Variants in NUP155 observed in about 807,000 individuals in gnomAD.
NUP155 encodes nucleoporin 155, also known as nuclear pore complex protein Nup155.
A neutral mutation model predicts 180.4 loss-of-function variants in NUP155; 71 were observed. The ratio of observed to expected loss-of-function variants is 0.39; its 90% CI spans 0.33 to 0.48. The LOEUF (loss-of-function observed/expected upper bound fraction) is 0.48. NUP155 is among the 20% of genes least tolerant of loss of function. NUP155 has a pLI of 0.91. For missense variants in NUP155, 1,553 were observed against 1,648.9 expected (o/e 0.94, Z 1.01); for synonymous variants, 582 against 559.5 (o/e 1.04, Z -0.57).
At chr5:37,346,029 A>G (rs1432368832) in intron 9 of NUP155, among the ~76,000 whole-genome samples, 2 of 152,112 alleles carry the variant, frequency 1.3e-5, no homozygotes, top group Non-Finnish European at 2.9e-5. Context: ...TGTGTTTTCA[A>G]TTGTGTCTGC....
intron 15 of NUP155, among the ~76,000 whole-genome samples, 181 bp from the exon 16 acceptor site, chr5:37,329,459 T>A (rs1256737680): frequency 6.6e-6 from 1 of 152,208 alleles, no homozygotes; most frequent in Non-Finnish European, 1.5e-5. Flanking sequence ...ATTCAGTAAA[T>A]GTGGACTTGA....
chr5:37,307,748 C>T (rs893075518), intron 24 of NUP155, among the ~76,000 whole-genome samples: 1 of 151,560 alleles, frequency 6.6e-6, no homozygotes, highest in Admixed American at 6.6e-5. Flanking sequence ...ATGGTGAAAC[C>T]CCACCTCTAC....
rs975547922 is a variant in NUP155 at position 37,340,995 on chromosome 5, G to T, written c.1246+95C>A. 6.1e-5 allele frequency: 65 copies of T among 1,061,308 alleles called. No homozygotes were observed. The African/African-American group carries it at 8.9e-4, about 14-fold the overall frequency. The allele number at this position is 1,061,308 out of a possible 1,614,324, so 65.7% of individuals were successfully genotyped here. On this transcript the variant is annotated intron_variant, in intron 11 of 34. Coordinates refer to ENST00000231498, the MANE Select transcript of NUP155 (RefSeq NM_153485.3). ...CTTCTAGTAGTTCCCAGTTTCTACT[G>T]TTGCCATAGGGTATTTTCAAATACT...
intron 13 of NUP155, among the ~76,000 whole-genome samples, chr5:37,332,586 C>T (rs2150968232): frequency 6.6e-6 from 1 of 152,066 alleles, no homozygotes. Flanking sequence ...ATTGTTTTTG[C>T]ACCAATCAAT....
chr5:37,366,467 T>G (rs1747590448), intron 1 of NUP155, among the ~76,000 whole-genome samples: 1 of 152,130 alleles, frequency 6.6e-6, no homozygotes, highest in Admixed American at 6.6e-5. Flanking sequence ...TGAGACGGAG[T>G]CTCGCTCTGA....
At chr5:37,363,431 G>A (rs1009690236) in intron 3 of NUP155, among the ~76,000 whole-genome samples, 1 of 152,144 alleles carries the variant, frequency 6.6e-6, no homozygotes, top group African/African-American at 2.4e-5. Context: ...AAGTACCTTA[G>A]GCTTTCACTC....
At chr5:37,302,456 G>A (rs1322763688) in intron 29 of NUP155, among the ~76,000 whole-genome samples, 1 of 152,112 alleles carries the variant, frequency 6.6e-6, no homozygotes, top group East Asian at 1.9e-4. Context: ...GGCTGGTCTC[G>A]AACTTCTGAC....
At chr5:37,321,680 G>A (rs1039596170) in intron 20 of NUP155, among the ~76,000 whole-genome samples, 2 of 152,098 alleles carry the variant, frequency 1.3e-5, no homozygotes, top group African/African-American at 4.8e-5. Context: ...TTGCACCACT[G>A]CACTCCAGCC....
At chr5:37,349,058 CTTT>C (rs35729800) in intron 8 of NUP155, 111 bp downstream of exon 8, 94 of 280,214 alleles carry the variant, frequency 3.4e-4, no homozygotes, top group Middle Eastern at 2.4e-3. Context: ...GCCCAGCAGG[CTTT>C]TTTTTTTTTT....
At chr5:37,300,133 A>T (rs925662228) in intron 30 of NUP155, among the ~76,000 whole-genome samples, 22 of 151,938 alleles carry the variant, frequency 1.4e-4, no homozygotes, top group African/African-American at 5.3e-4. Flanking sequence ...CATTCTATTT[A>T]TTAATTTTAA....
intron 2 of NUP155, 79 bp downstream of exon 2, chr5:37,364,168 T>A (rs535623914): frequency 7.9e-7 from 1 of 1,272,176 alleles, no homozygotes; most frequent in East Asian, 2.5e-5. Flanking sequence ...AACACATTAA[T>A]TAAACATAGA....
At position 37,350,253 on chromosome 5, in the gene NUP155, A is replaced by G; in HGVS notation, c.736T>C (p.Trp246Arg). ...ATTTTCCTACATCTTTGGCTAAACC[A>G]CCCTGCTTCAGCCTTAAAGAAAAAA... ...YEVAYQAEAG[W>R]FSQRCRKINH... Residue 246 changes from tryptophan to arginine, a missense_variant, in exon 7 of 35, where the codon TGG (tryptophan) becomes CGG (arginine). Trp to Arg is a moderately radical substitution (Grantham distance 101). Transcript: ENST00000231498. The G allele has an allele frequency of 1.2e-6, 2 of 1,613,246 alleles. No individual in the cohort carries two copies. The highest frequency in any genetic ancestry group is 1.7e-6 in the Non-Finnish European group (2 of 1,179,352).
chr5:37,290,790 G>A lies in NUP155; in HGVS notation c.*1110C>T, dbSNP rs912203366. ...TGCACCAAAATCTCCTGGAGAGCTT[G>A]TTAAAACATAGAAAGCAGGGCCTCA... is the stretch of plus-strand genomic sequence containing the variant. On this transcript the variant is annotated 3_prime_UTR_variant, in exon 35 of 35. Transcript: ENST00000231498. The A allele has an allele frequency of 1.3e-5, 2 of 152,152 alleles. No individual in the cohort carries two copies. Among genetic ancestry groups the A allele is most frequent in the Non-Finnish European group, 2.9e-5 (2 of 68,040 alleles). 9.4% of individuals were successfully genotyped at this position (152,152 alleles called of 1,614,324 possible).
chr5:37,341,454 C>T (rs1481011906), intron 10 of NUP155, among the ~76,000 whole-genome samples: 2 of 152,194 alleles, frequency 1.3e-5, no homozygotes, highest in Admixed American at 1.3e-4. Flanking sequence ...CTCCGCCTCC[C>T]GGGTTCAAGC....
intron 24 of NUP155, among the ~76,000 whole-genome samples, chr5:37,308,007 CAA>C (rs1743275149): frequency 6.8e-6 from 1 of 146,396 alleles, no homozygotes; most frequent in Admixed American, 6.8e-5. Flanking sequence ...TTTCAAATAA[CAA>C]AAAGGAAAGT....
intron 4 of NUP155, among the ~76,000 whole-genome samples, chr5:37,354,168 CAG>C (rs902077103): frequency 6.6e-6 from 1 of 152,118 alleles, no homozygotes; most frequent in African/African-American, 2.4e-5. Flanking sequence ...CTTTTTGAGA[CAG>C]AGTTTCACTC....
chr5:37,341,666 G>A (rs1158938762), intron 10 of NUP155, among the ~76,000 whole-genome samples: 4 of 151,850 alleles, frequency 2.6e-5, no homozygotes, highest in African/African-American at 4.8e-5. Context: ...TCAGCCTCCC[G>A]AGTAGCTGGG....
rs1409394544 is a variant in NUP155, at chr5:37,288,911, A to C, written c.*2989T>G. The C allele has an allele frequency of 6.7e-6, 1 of 148,924 alleles. No individual in the cohort carries two copies. The highest frequency in any genetic ancestry group is 1.5e-5 in the Non-Finnish European group (1 of 66,958). 9.2% of individuals were successfully genotyped at this position (148,924 alleles called of 1,614,324 possible). A position where few individuals can be genotyped will look rare whatever the true frequency, so the allele number is the denominator to read the frequency against. On this transcript the variant is annotated 3_prime_UTR_variant, in exon 35 of 35. Transcript: ENST00000231498. ...AAACCCCATCTCTACTAAAAATACA[A>C]AAAAAAAAAATTAGCCAGGCATGGT...
intron 29 of NUP155, 145 bp from the exon 30 acceptor site, chr5:37,301,695 T>A: frequency 1.5e-6 from 1 of 676,078 alleles, no homozygotes; most frequent in Non-Finnish European, 2.7e-6. Flanking sequence ...AATATTATCA[T>A]AACAGACATC....
Sources: allele counts gnomAD v4.1 joint callset (sites outside exome capture counted in the v4.1 genomes callset), GRCh38; gene constraint gnomAD v4.1.1; transcripts MANE v1.5; gene names NCBI Gene and HGNC (gene_info 2026-07-23, HGNC 2026-07-21).